CPNE4: variants seen among roughly 807,000 people sequenced by gnomAD.
The protein encoded by CPNE4 is copine-4.
Under a neutral mutation model 67.9 loss-of-function variants are expected in CPNE4, and 25 were observed. The observed-to-expected ratio is 0.37, with a 90% CI of 0.27 to 0.51. CPNE4 has a LOEUF of 0.51. Among genes scored for constraint, CPNE4 ranks in the 20% least tolerant of loss-of-function variants. The pLI is 0.93. For synonymous variants in CPNE4, 242 were observed against 244.9 expected (o/e 0.99, Z 0.11); for missense variants, 464 against 690.8 (o/e 0.67, Z 3.68).
intron 2 of CPNE4, among the ~76,000 whole-genome samples, chr3:131,830,035 C>G (rs2085307647): frequency 6.6e-6 from 1 of 152,180 alleles, no homozygotes; most frequent in Non-Finnish European, 1.5e-5. Context: ...AGCCCACACA[C>G]TTTACATATT....
chr3:131,960,905 A>G (rs891764612), intron 1 of CPNE4, among the ~76,000 whole-genome samples: 1 of 152,200 alleles, frequency 6.6e-6, no homozygotes, highest in African/African-American at 2.4e-5. Context: ...GTGATCTGCA[A>G]TCATTAAACT....
At chr3:131,658,335 G>A (rs1412139501) in intron 7 of CPNE4, among the ~76,000 whole-genome samples, 4 of 152,184 alleles carry the variant, frequency 2.6e-5, no homozygotes, top group Non-Finnish European at 5.9e-5. Flanking sequence ...TAGGCAACAT[G>A]AGGAGGCATC....
chr3:131,535,431 C>A (rs1361202972), intron 15 of CPNE4, 102 bp from the exon 16 acceptor site: 6 of 1,197,404 alleles, frequency 5.0e-6, no homozygotes, highest in Non-Finnish European at 6.9e-6. Flanking sequence ...GTTTCATTCA[C>A]TTTCATTCAT....
intron 5 of CPNE4, among the ~76,000 whole-genome samples, chr3:131,695,081 T>C (rs2081119911): frequency 6.6e-6 from 1 of 152,186 alleles, no homozygotes; most frequent in Non-Finnish European, 1.5e-5. Context: ...TATGTTATCA[T>C]TTTGCTCCTC....
chr3:131,828,821 A>G (rs2085264700), intron 2 of CPNE4, among the ~76,000 whole-genome samples: 1 of 152,188 alleles, frequency 6.6e-6, no homozygotes, highest in Non-Finnish European at 1.5e-5. Context: ...GGGTGACAGT[A>G]AGACCTGACT....
intron 2 of CPNE4, among the ~76,000 whole-genome samples, chr3:131,805,919 T>C (rs773267364): frequency 6.6e-6 from 1 of 152,250 alleles, no homozygotes; most frequent in Non-Finnish European, 1.5e-5. Context: ...AAGAGGAGCA[T>C]GTGGAATAAA....
intron 2 of CPNE4, among the ~76,000 whole-genome samples, chr3:131,861,575 C>A (rs146368868): frequency 0.067 from 10,259 of 151,994 alleles, 485 homozygotes; most frequent in Middle Eastern, 0.14. Flanking sequence ...GGATTACAGG[C>A]GCCTGCCACC....
intron 14 of CPNE4, among the ~76,000 whole-genome samples, chr3:131,544,678 A>G (rs1266314846): frequency 1.3e-5 from 2 of 152,186 alleles, no homozygotes; most frequent in Non-Finnish European, 2.9e-5. Context: ...AGCGGCAGAA[A>G]GAGGCAATGT....
intron 11 of CPNE4, among the ~76,000 whole-genome samples, chr3:131,561,012 G>A (rs982324979): frequency 1.3e-5 from 2 of 152,066 alleles, no homozygotes; most frequent in Admixed American, 6.6e-5. Context: ...ATACCTGTCA[G>A]ATTGGGTTTC....
chr3:131,995,430 T>C (rs1354949152), intron 1 of CPNE4, among the ~76,000 whole-genome samples: 1 of 152,182 alleles, frequency 6.6e-6, no homozygotes, highest in Non-Finnish European at 1.5e-5. Flanking sequence ...TCCAAGTTTA[T>C]AATGCTTCTT....
Position 131,625,403 on chromosome 3 carries a change from T to C in CPNE4, c.682-37821A>G, listed in dbSNP as rs142846385. On this transcript the variant is annotated intron_variant, in intron 7 of 15. Coordinates refer to ENST00000429747, the MANE Select transcript of CPNE4 (RefSeq NM_130808.3). ...CATTATTTCAGGTCCTACTATAAAG[T>C]TAAAAGCATCCAAAATTAGGAATTT... Among the ~76,000 whole-genome samples, 89 of 152,314 alleles carry C rather than the reference T, an allele frequency of 5.8e-4. 1 individual carries two copies. Among genetic ancestry groups the C allele is most frequent in the African/African-American group, 1.7e-3 (71 of 41,566 alleles).
At chr3:131,926,542 AG>A (rs2070900821) in intron 1 of CPNE4, among the ~76,000 whole-genome samples, 1 of 152,174 alleles carries the variant, frequency 6.6e-6, no homozygotes, top group Non-Finnish European at 1.5e-5. Flanking sequence ...TTTCTTGAGA[AG>A]GGGAAGGAGG....
chr3:131,674,409 C>A (rs1351094086), intron 6 of CPNE4, among the ~76,000 whole-genome samples: 1 of 151,768 alleles, frequency 6.6e-6, no homozygotes, highest in African/African-American at 2.4e-5. Flanking sequence ...TAAAATTCTA[C>A]CAATATGTTT....
chr3:131,773,685 T>A (rs138716794), intron 2 of CPNE4, among the ~76,000 whole-genome samples: 4 of 152,070 alleles, frequency 2.6e-5, no homozygotes, highest in Admixed American at 1.3e-4. Context: ...AAAAAAAAAA[T>A]CACCTGTGAT....
intron 2 of CPNE4, among the ~76,000 whole-genome samples, chr3:131,826,974 T>A (rs1461889990): frequency 6.6e-6 from 1 of 152,106 alleles, no homozygotes. Flanking sequence ...GAATTTGAGG[T>A]TGCAGTGAGC....
intron 1 of CPNE4, among the ~76,000 whole-genome samples, chr3:132,002,112 T>C (rs373310743): frequency 6.6e-6 from 1 of 152,172 alleles, no homozygotes; most frequent in African/African-American, 2.4e-5. Context: ...AATCTTATCA[T>C]CACCTCTGGC....
chr3:131,773,548 A>C (rs999463479), intron 2 of CPNE4, among the ~76,000 whole-genome samples: 4 of 151,952 alleles, frequency 2.6e-5, no homozygotes, highest in Non-Finnish European at 5.9e-5. Flanking sequence ...GGCTTTTGCC[A>C]TGTTGGTCAG....
intron 2 of CPNE4, among the ~76,000 whole-genome samples, chr3:131,817,779 C>T (rs898154043): frequency 6.6e-6 from 1 of 152,178 alleles, no homozygotes; most frequent in Non-Finnish European, 1.5e-5. Flanking sequence ...TACAGAGAGA[C>T]GTATTCTCTT....
At chr3:131,564,646 G>T (rs1936962920) in intron 10 of CPNE4, among the ~76,000 whole-genome samples, 1 of 151,946 alleles carries the variant, frequency 6.6e-6, no homozygotes, top group Admixed American at 6.6e-5. Flanking sequence ...ATCTCACCAG[G>T]CAGCAAGAGT....
Sources: gnomAD v4.1 joint callset for allele counts (sites outside exome capture counted in the v4.1 genomes callset) on GRCh38, gnomAD v4.1.1 for gene constraint, MANE v1.5 for transcripts, NCBI Gene and HGNC (gene_info 2026-07-23, HGNC 2026-07-21) for gene names.